XKR9: variants seen among roughly 807,000 people sequenced by gnomAD.
The protein encoded by XKR9 is XK-related protein 9.
A neutral mutation model predicts 32.0 loss-of-function variants in XKR9; 32 were observed. That is an observed-to-expected ratio of 1.00 (90% CI 0.76 to 1.34). The LOEUF (loss-of-function observed/expected upper bound fraction) is 1.34, where lower values mean the gene tolerates loss of function less well. Among genes scored for constraint, XKR9 ranks in the 40% most tolerant of loss-of-function variants. The probability of loss-of-function intolerance (pLI) is 0.00; values close to 1 mark genes in which losing one functional copy is unlikely to be tolerated. For synonymous variants in XKR9, 168 were observed against 143.4 expected (o/e 1.17, Z -1.22); for missense variants, 546 against 429.7 (o/e 1.27, Z -2.39).
intron 4 of XKR9, among the ~76,000 whole-genome samples, chr8:70,729,093 G>A (rs1367662368): frequency 3.9e-5 from 6 of 152,118 alleles, no homozygotes; most frequent in Non-Finnish European, 7.3e-5. Flanking sequence ...AGTCAACCTC[G>A]ATTATTTAAA....
intron 2 of XKR9, among the ~76,000 whole-genome samples, chr8:70,762,720 C>T (rs1219347979): frequency 6.6e-6 from 1 of 152,072 alleles, no homozygotes; most frequent in Non-Finnish European, 1.5e-5. Flanking sequence ...TTAAAGAGAA[C>T]TAATTTTGTT....
At chr8:70,672,595 A>C (rs1818750064) in intron 1 of XKR9, among the ~76,000 whole-genome samples, 1 of 152,052 alleles carries the variant, frequency 6.6e-6, no homozygotes, top group Non-Finnish European at 1.5e-5. Flanking sequence ...TTGCTAAATC[A>C]TATGGTAGTT....
At chr8:70,738,854 G>T (rs1272950382), downstream of XKR9, among the ~76,000 whole-genome samples, 12 of 152,072 alleles carry the variant, frequency 7.9e-5, no homozygotes, top group African/African-American at 1.9e-4. Flanking sequence ...ATAATTTCTG[G>T]TGTTTTACAT....
the XKR9 span, among the ~76,000 whole-genome samples, chr8:70,976,655 A>G: frequency 1.3e-5 from 2 of 152,112 alleles, no homozygotes; most frequent in African/African-American, 4.8e-5. Context: ...TCAATGTTCA[A>G]CAGGGATATT....
Position 70,734,070 on chromosome 8 carries a change from T to C in XKR9, c.768T>C (p.Cys256=). The part of the protein sequence containing the change: ...AFKNNTQFCT[C]ISMEFLYRIV... ...AAAACAACACCCAGTTTTGTACTTG[T>C]ATAAGTATGGAATTCTTATATAGGA... Residue 256 remains cysteine (C), a synonymous_variant, in exon 5 of 5, where the codon TGT becomes TGC. Transcript: ENST00000408926. 1.2e-6 allele frequency: 2 copies of C among 1,613,188 alleles called. No homozygotes were observed. Among genetic ancestry groups the C allele is most frequent in the Non-Finnish European group, 1.7e-6 (2 of 1,179,370 alleles).
At chr8:71,006,815 T>C in the XKR9 span, among the ~76,000 whole-genome samples, 1 of 152,216 alleles carries the variant, frequency 6.6e-6, no homozygotes, top group African/African-American at 2.4e-5. Context: ...CATGTATACT[T>C]ATCCTTAGTC....
intron 2 of XKR9, among the ~76,000 whole-genome samples, chr8:70,757,101 C>T (rs1310124619): frequency 5.9e-5 from 9 of 151,888 alleles, no homozygotes; most frequent in Non-Finnish European, 1.3e-4. Flanking sequence ...TTGAGATAAT[C>T]ATGTGATTTT....
chr8:70,982,813 T>G, the XKR9 span, among the ~76,000 whole-genome samples: 4 of 152,250 alleles, frequency 2.6e-5, no homozygotes, highest in Non-Finnish European at 5.9e-5. Context: ...ATGCTAGTCC[T>G]GCCTCCTATC....
the XKR9 span, among the ~76,000 whole-genome samples, chr8:71,024,184 C>T: frequency 2.0e-5 from 3 of 152,198 alleles, no homozygotes; most frequent in Non-Finnish European, 4.4e-5. Context: ...GATCAGGGTG[C>T]ATGCAAGTGC....
chr8:70,945,245 G>A, the XKR9 span, among the ~76,000 whole-genome samples: 1 of 152,246 alleles, frequency 6.6e-6, no homozygotes, highest in South Asian at 2.1e-4. Context: ...ATTGATAAAG[G>A]TTTATAGTGG....
chr8:70,972,636 C>T, the XKR9 span, among the ~76,000 whole-genome samples: 10 of 152,132 alleles, frequency 6.6e-5, no homozygotes, highest in Admixed American at 4.6e-4. Context: ...AAGTTATGTC[C>T]CTTCTATGCC....
At chr8:70,917,253 C>G in the XKR9 span, among the ~76,000 whole-genome samples, 1 of 152,162 alleles carries the variant, frequency 6.6e-6, no homozygotes, top group East Asian at 1.9e-4. Flanking sequence ...AAGACTTTCC[C>G]TGGTCATCCT....
chr8:71,032,265 CAG>C, the XKR9 span, among the ~76,000 whole-genome samples: 3 of 110,934 alleles, frequency 2.7e-5, no homozygotes, highest in Non-Finnish European at 5.0e-5. Context: ...GCCTGGGTGA[CAG>C]AGTGAGACTC....
At chr8:70,850,495 T>G in the XKR9 span, among the ~76,000 whole-genome samples, 3 of 149,072 alleles carry the variant, frequency 2.0e-5, no homozygotes, top group Non-Finnish European at 3.0e-5. Context: ...GAAAGAAAAT[T>G]TCAGGCCAAT....
At chr8:71,050,647 G>A in the XKR9 span, among the ~76,000 whole-genome samples, 1 of 152,106 alleles carries the variant, frequency 6.6e-6, no homozygotes. Context: ...AGAAGTTGTA[G>A]CCAAAGATGA....
intron 2 of XKR9, among the ~76,000 whole-genome samples, chr8:70,756,714 T>C (rs2130197101): frequency 6.6e-6 from 1 of 152,228 alleles, no homozygotes; most frequent in East Asian, 1.9e-4. Context: ...AATCTTGAAG[T>C]CTTGCTGAAC....
intron 2 of XKR9, among the ~76,000 whole-genome samples, chr8:70,744,127 A>G (rs987365514): frequency 9.2e-5 from 14 of 151,974 alleles, no homozygotes; most frequent in Non-Finnish European, 1.8e-4. Context: ...TCTGGTCAAC[A>G]TGATGAAACC....
the XKR9 span, among the ~76,000 whole-genome samples, chr8:70,971,364 C>A: frequency 6.6e-6 from 1 of 151,344 alleles, no homozygotes; most frequent in Non-Finnish European, 1.5e-5. Flanking sequence ...GGGTATTAGT[C>A]CTTTGTTGGA....
intron 2 of XKR9, chr8:70,677,960 A>G (rs778418538): frequency 2.6e-5 from 4 of 152,242 alleles, no homozygotes; most frequent in Non-Finnish European, 5.9e-5. Flanking sequence ...TTGTATACAC[A>G]TTAAACATAT....
Sources: allele counts gnomAD v4.1 joint callset (sites outside exome capture counted in the v4.1 genomes callset), GRCh38; gene constraint gnomAD v4.1.1; transcripts MANE v1.5; gene names NCBI Gene and HGNC (gene_info 2026-07-23, HGNC 2026-07-21).